Variants in HTR1F observed in about 807,000 individuals in gnomAD.
HTR1F encodes 5-hydroxytryptamine receptor 1F, also known as 5-hydroxytryptamine (serotonin) receptor 1F, G protein-coupled.
A neutral mutation model predicts 24.0 loss-of-function variants in HTR1F; 17 were observed. That is an observed-to-expected ratio of 0.71 (90% confidence interval 0.48 to 1.06). HTR1F has a LOEUF of 1.06. Among genes scored for constraint, HTR1F ranks in the 50% least tolerant of loss-of-function variants. The probability of loss-of-function intolerance (pLI) is 0.00; values close to 1 mark genes in which losing one functional copy is unlikely to be tolerated. For synonymous variants in HTR1F, 186 were observed against 156.8 expected (o/e 1.19, Z -1.39); for missense variants, 391 against 427.8 (o/e 0.91, Z 0.76).
intron 2 of HTR1F, among the ~76,000 whole-genome samples, chr3:87,879,613 T>C (rs1177415624): frequency 6.6e-6 from 1 of 152,178 alleles, no homozygotes; most frequent in Non-Finnish European, 1.5e-5. Flanking sequence ...GAATTGTTCA[T>C]TAAAGAAAAA....
chr3:87,935,943 T>C (rs1270612077), intron 2 of HTR1F, among the ~76,000 whole-genome samples: 1 of 152,052 alleles, frequency 6.6e-6, no homozygotes, highest in African/African-American at 2.4e-5. Flanking sequence ...CTCCACCTTC[T>C]GGGTTCAAGC....
chr3:87,808,921 T>A (rs1405903753), intron 1 of HTR1F, among the ~76,000 whole-genome samples: 4 of 151,778 alleles, frequency 2.6e-5, no homozygotes, highest in Non-Finnish European at 5.9e-5. Flanking sequence ...AAGTTTCTCT[T>A]TTTATAGATT....
chr3:87,931,185 C>T (rs927205457), intron 2 of HTR1F, among the ~76,000 whole-genome samples: 3 of 151,998 alleles, frequency 2.0e-5, no homozygotes, highest in Admixed American at 6.6e-5. Flanking sequence ...TCCCCTAATG[C>T]TATCACTCCC....
At chr3:87,981,602 A>G (rs576796253) in intron 2 of HTR1F, among the ~76,000 whole-genome samples, 10 of 152,294 alleles carry the variant, frequency 6.6e-5, no homozygotes, top group African/African-American at 2.4e-4. Context: ...CACTTCTGCC[A>G]TATCTCCCCA....
intron 2 of HTR1F, among the ~76,000 whole-genome samples, chr3:87,980,316 A>T (rs1378255386): frequency 1.3e-5 from 2 of 152,050 alleles, no homozygotes; most frequent in Non-Finnish European, 2.9e-5. Context: ...GGTAGCTTCT[A>T]CCTGTAGTCA....
intron 2 of HTR1F, among the ~76,000 whole-genome samples, chr3:87,895,623 A>G (rs1706181568): frequency 6.6e-6 from 1 of 152,210 alleles, no homozygotes; most frequent in African/African-American, 2.4e-5. Flanking sequence ...TTCAAGTTAT[A>G]GTAGAAAAGA....
At chr3:87,922,726 A>G (rs1355868196) in intron 2 of HTR1F, among the ~76,000 whole-genome samples, 1 of 151,740 alleles carries the variant, frequency 6.6e-6, no homozygotes, top group Non-Finnish European at 1.5e-5. Context: ...GTGTAGTTTC[A>G]TTCTTCTTCA....
At position 87,991,087 on chromosome 3, in the gene HTR1F, A is replaced by G. The variant is rs1427971806; in HGVS notation, c.338A>G (p.His113Arg). The change falls in exon 3 of 3, where the codon CAT (histidine) becomes CGT (arginine). Residue 113 changes from histidine (H) to arginine (R), a missense_variant. His to Arg is a conservative substitution (Grantham distance 29). Coordinates refer to ENST00000319595, the MANE Select transcript of HTR1F (RefSeq NM_001322209.2). Reference protein sequence around the residue: ...DITCCTCSILHLSAIALDRYR... With the variant: ...DITCCTCSILRLSAIALDRYR... ...ACCTGCTGCACGTGCTCCATCTTGC[A>G]TCTCTCAGCTATAGCTTTGGATCGG... The G allele has an allele frequency of 6.2e-7, 1 of 1,613,986 alleles. No homozygotes were observed. Among genetic ancestry groups the G allele is most frequent in the Admixed American group, 1.7e-5 (1 of 60,014 alleles).
chr3:87,870,745 G>T (rs1705535252), intron 2 of HTR1F, among the ~76,000 whole-genome samples: 2 of 152,060 alleles, frequency 1.3e-5, no homozygotes, highest in South Asian at 4.1e-4. Flanking sequence ...AAGCACCAGA[G>T]AAACCACAGT....
chr3:87,814,433 A>G (rs903218436), intron 1 of HTR1F, among the ~76,000 whole-genome samples: 4 of 152,080 alleles, frequency 2.6e-5, no homozygotes, highest in Non-Finnish European at 4.4e-5. Flanking sequence ...AGTATAGAAT[A>G]TATTGTTATT....
chr3:87,912,403 G>A (rs1414586886), intron 2 of HTR1F, among the ~76,000 whole-genome samples: 1 of 151,920 alleles, frequency 6.6e-6, no homozygotes, highest in Non-Finnish European at 1.5e-5. Flanking sequence ...ACAAAGCACT[G>A]CTCAAAGAAA....
intron 2 of HTR1F, among the ~76,000 whole-genome samples, chr3:87,989,537 G>T (rs1260700863): frequency 6.6e-6 from 1 of 152,150 alleles, no homozygotes; most frequent in African/African-American, 2.4e-5. Context: ...ATCATGGAAT[G>T]CTAAGGATAT....
intron 2 of HTR1F, among the ~76,000 whole-genome samples, chr3:87,989,744 G>A (rs1479177024): frequency 1.3e-5 from 2 of 152,154 alleles, no homozygotes; most frequent in African/African-American, 4.8e-5. Context: ...AATGGTGTGT[G>A]CTTTTGTTCC....
intron 2 of HTR1F, among the ~76,000 whole-genome samples, chr3:87,852,561 T>A (rs1345457699): frequency 6.6e-6 from 1 of 151,778 alleles, no homozygotes; most frequent in Non-Finnish European, 1.5e-5. Flanking sequence ...TTTCATGTAT[T>A]CTGCAAGCAA....
chr3:87,938,661 C>T (rs1704487149), intron 2 of HTR1F, among the ~76,000 whole-genome samples: 2 of 152,070 alleles, frequency 1.3e-5, no homozygotes, highest in East Asian at 1.9e-4. Flanking sequence ...TAATATTTAA[C>T]AAAAGTGACA....
chr3:87,913,268 G>A lies in HTR1F; in HGVS notation c.-42-77440G>A, dbSNP rs535500954. On this transcript the variant is annotated intron_variant, in intron 2 of 2. Transcript: ENST00000319595. ...ACAGAAAATAGCCCCATTAAAAAGA[G>A]GACAAAGGGCATGAACAGACACCTT... is the stretch of plus-strand genomic sequence containing the variant. Among the ~76,000 whole-genome samples, 92 of 152,124 alleles carry A rather than the reference G, an allele frequency of 6.0e-4. No individual in the cohort carries two copies. In the Middle Eastern group the frequency reaches 0.01, roughly 17 times the overall value.
At chr3:87,900,886 ATT>A (rs1187149191) in intron 2 of HTR1F, among the ~76,000 whole-genome samples, 1 of 152,144 alleles carries the variant, frequency 6.6e-6, no homozygotes, top group Admixed American at 6.5e-5. Context: ...CCATGCAGAA[ATT>A]TTAAGTAGAT....
chr3:87,890,642 T>C (rs1454971431), intron 2 of HTR1F, among the ~76,000 whole-genome samples: 4 of 151,560 alleles, frequency 2.6e-5, no homozygotes, highest in African/African-American at 9.7e-5. Context: ...CCACCTTAAC[T>C]TAGTAATCAA....
intron 2 of HTR1F, among the ~76,000 whole-genome samples, chr3:87,938,738 G>A (rs1360585914): frequency 3.3e-5 from 5 of 152,164 alleles, no homozygotes; most frequent in Non-Finnish European, 7.3e-5. Flanking sequence ...CTAGCCATAT[G>A]CGGAAGATTG....
Sources: gnomAD v4.1 joint callset for allele counts (sites outside exome capture counted in the v4.1 genomes callset) on GRCh38, gnomAD v4.1.1 for gene constraint, MANE v1.5 for transcripts, NCBI Gene and HGNC (gene_info 2026-07-23, HGNC 2026-07-21) for gene names.